DCAF8L2: variants seen among roughly 807,000 people sequenced by gnomAD.
DCAF8L2 encodes DDB1- and CUL4-associated factor 8-like protein 2.
For missense variants in DCAF8L2, 430 were observed against 490.7 expected (o/e 0.88, Z 1.17); for synonymous variants, 200 against 190.9 (o/e 1.05, Z -0.39).
At chrX:27,547,845 T>TC in the DCAF8L2 span, among the ~76,000 whole-genome samples, 20 of 46,271 alleles carry the variant, frequency 4.3e-4, no homozygotes, top group East Asian at 7.5e-4. Context: ...CTCTCTCTCT[T>TC]TCTCTCTCTC....
At chrX:27,631,170 A>C (rs1928273246) in intron 1 of DCAF8L2, among the ~76,000 whole-genome samples, 1 of 112,059 alleles carries the variant, frequency 8.9e-6, no homozygotes, top group Non-Finnish European at 1.9e-5. Flanking sequence ...ATAGGAGTAG[A>C]AAAAGCATTG....
chrX:27,554,221 A>T, the DCAF8L2 span, among the ~76,000 whole-genome samples: 5 of 112,177 alleles, frequency 4.5e-5, no homozygotes, highest in Non-Finnish European at 9.4e-5. Flanking sequence ...GATGAAGGTG[A>T]TCAATTACCT....
At chrX:27,483,380 A>G in the DCAF8L2 span, among the ~76,000 whole-genome samples, 1 of 112,185 alleles carries the variant, frequency 8.9e-6, no homozygotes, top group Non-Finnish European at 1.9e-5. Context: ...AAAGTAGTTT[A>G]CATTTTTGTA....
intron 2 of DCAF8L2, among the ~76,000 whole-genome samples, chrX:27,675,222 C>T (rs1930100377): frequency 3.6e-5 from 4 of 111,273 alleles, no homozygotes; most frequent in Non-Finnish European, 7.5e-5. Flanking sequence ...TAAACTGTCC[C>T]CCATCTCTTG....
At chrX:27,576,309 A>C in the DCAF8L2 span, among the ~76,000 whole-genome samples, 1 of 112,126 alleles carries the variant, frequency 8.9e-6, no homozygotes, top group Non-Finnish European at 1.9e-5. Context: ...ACACAGTTCA[A>C]CTTGAGTCTT....
chrX:27,700,012 G>A (rs1602749341), intron 3 of DCAF8L2, among the ~76,000 whole-genome samples: 2 of 110,888 alleles, frequency 1.8e-5, no homozygotes, highest in Admixed American at 1.9e-4. Context: ...TCCAGCCTGG[G>A]TGACAGACTG....
intron 2 of DCAF8L2, among the ~76,000 whole-genome samples, chrX:27,669,548 C>T (rs772138539): frequency 4.6e-5 from 5 of 109,514 alleles, no homozygotes; most frequent in South Asian, 7.8e-4. Flanking sequence ...CATATGTATA[C>T]ATGCGCCATG....
chrX:27,473,852 A>G, the DCAF8L2 span, among the ~76,000 whole-genome samples: 1 of 111,510 alleles, frequency 9.0e-6, no homozygotes. Context: ...TTAATTCAAC[A>G]ATGGAAATAA....
chrX:27,680,593 T>G (rs746312274), intron 3 of DCAF8L2, among the ~76,000 whole-genome samples: 3 of 111,675 alleles, frequency 2.7e-5, no homozygotes, highest in Admixed American at 1.9e-4. Flanking sequence ...TCCCTTTCTC[T>G]ATTTTTTTTT....
intron 2 of DCAF8L2, among the ~76,000 whole-genome samples, chrX:27,659,347 A>C (rs1929469920): frequency 8.9e-6 from 1 of 111,957 alleles, no homozygotes; most frequent in Admixed American, 9.5e-5. Context: ...CTCAGTTACA[A>C]ATCAACTTGC....
chrX:27,673,007 C>A (rs774861433), intron 2 of DCAF8L2, among the ~76,000 whole-genome samples: 16 of 110,927 alleles, frequency 1.4e-4, no homozygotes, highest in Non-Finnish European at 2.3e-4. Flanking sequence ...TCCCCACAAG[C>A]CCTGAAGAAG....
the DCAF8L2 span, among the ~76,000 whole-genome samples, chrX:27,536,589 G>A: frequency 3.6e-5 from 4 of 111,365 alleles, no homozygotes; most frequent in African/African-American, 6.5e-5. Flanking sequence ...AAGACCTGGC[G>A]TGTGGACACA....
At chrX:27,724,256 T>C (rs1409489148) in intron 4 of DCAF8L2, among the ~76,000 whole-genome samples, 3 of 109,545 alleles carry the variant, frequency 2.7e-5, no homozygotes, top group South Asian at 3.7e-4. Flanking sequence ...AAATAGTAGA[T>C]TAAATTTATG....
At position 27,707,229 on chromosome X, in the gene DCAF8L2, C is replaced by T. The variant is rs1931373803; in HGVS notation, c.-142-8859C>T. Among the ~76,000 whole-genome samples the T allele has an allele frequency of 3.6e-5, 4 of 111,137 alleles. No individual in the cohort carries two copies. In the South Asian group the frequency reaches 1.5e-3, roughly 43 times the overall value. On this transcript the variant is annotated intron_variant, in intron 3 of 4. Coordinates refer to ENST00000451261, the MANE Select transcript of DCAF8L2 (RefSeq NM_001353450.2). ...ATGGCTGCACAACTCTGTGAATATA[C>T]TAAAAACTATTGATTTGTATAATTT...
At chrX:27,630,041 T>A (rs1316323407) in intron 1 of DCAF8L2, among the ~76,000 whole-genome samples, 4 of 111,998 alleles carry the variant, frequency 3.6e-5, no homozygotes, top group African/African-American at 1.3e-4. Flanking sequence ...AGTTTACTCC[T>A]AAGTATTTTA....
At chrX:27,620,032 CA>C (rs1402149315) in intron 1 of DCAF8L2, among the ~76,000 whole-genome samples, 2 of 110,892 alleles carry the variant, frequency 1.8e-5, no homozygotes, top group East Asian at 2.8e-4. Context: ...TTTAAAGTTA[CA>C]AAAATTATTA....
chrX:27,730,540 C>T (rs1394107900), intron 4 of DCAF8L2, among the ~76,000 whole-genome samples: 1 of 110,436 alleles, frequency 9.1e-6, no homozygotes, highest in Non-Finnish European at 1.9e-5. Context: ...GCCTCAGCCT[C>T]CGGAGTAGCT....
the DCAF8L2 span, among the ~76,000 whole-genome samples, chrX:27,570,715 G>A: frequency 2.8e-4 from 31 of 111,670 alleles, no homozygotes; most frequent in South Asian, 7.2e-3. Context: ...CAGCCTATTC[G>A]GGGCAGCTCT....
Position 27,747,600 on chromosome X carries a change from C to A in DCAF8L2, c.705C>A (p.His235Gln). 8.3e-7 allele frequency: 1 copy of A among 1,199,572 alleles called. No homozygotes were observed. Among genetic ancestry groups the A allele is most frequent in the Non-Finnish European group, 1.1e-6 (1 of 889,030 alleles). The change falls in exon 5 of 5, where the codon CAC (histidine) becomes CAA (glutamine). Residue 235 changes from histidine (H) to glutamine (Q), a missense_variant. Coordinates refer to ENST00000451261, the MANE Select transcript of DCAF8L2 (RefSeq NM_001353450.2). ...ADHVGCVNTV[H>Q]FNQRGTRLAS... ...ATGTCGGCTGTGTCAATACTGTACA[C>A]TTTAACCAGCGTGGCACCCGGCTGG...
Sources: gnomAD v4.1 joint callset for allele counts (sites outside exome capture counted in the v4.1 genomes callset) on GRCh38, gnomAD v4.1.1 for gene constraint, MANE v1.5 for transcripts, NCBI Gene and HGNC (gene_info 2026-07-23, HGNC 2026-07-21) for gene names.